SIL1: variants seen among roughly 807,000 people sequenced by gnomAD.
SIL1 encodes the protein nucleotide exchange factor SIL1.
Under a neutral mutation model 49.1 loss-of-function variants are expected in SIL1, and 40 were observed. That is an observed-to-expected ratio of 0.81 (90% CI 0.63 to 1.06). SIL1 has a LOEUF of 1.06. Ranked by LOEUF, SIL1 falls within the 50% of genes least tolerant of loss-of-function variation. The pLI, the probability that SIL1 is intolerant of heterozygous loss-of-function variation, is 0.00. For synonymous variants in SIL1, 253 were observed against 250.8 expected (o/e 1.01, Z -0.08); for missense variants, 500 against 572.6 (o/e 0.87, Z 1.29).
At chr5:139,048,797 C>T (rs1004627730) in intron 4 of SIL1, among the ~76,000 whole-genome samples, 19 of 152,140 alleles carry the variant, frequency 1.2e-4, no homozygotes, top group African/African-American at 2.7e-4. Flanking sequence ...GTATTGTGGA[C>T]GAAAGAAGTT....
intron 5 of SIL1, chr5:139,035,238 G>A: frequency 2.2e-6 from 1 of 459,398 alleles, no homozygotes; most frequent in Admixed American, 2.4e-5. Flanking sequence ...CACAAACTGA[G>A]CAGTCCCCAG....
At chr5:139,056,504 G>T (rs1769429557) in intron 3 of SIL1, among the ~76,000 whole-genome samples, 1 of 150,482 alleles carries the variant, frequency 6.6e-6, no homozygotes, top group African/African-American at 2.4e-5. Flanking sequence ...GGAGGTGGGG[G>T]TCAGCCCCCC....
intron 3 of SIL1, among the ~76,000 whole-genome samples, chr5:139,115,339 C>T (rs1033336123): frequency 1.3e-5 from 2 of 152,118 alleles, no homozygotes; most frequent in African/African-American, 4.8e-5. Context: ...CTTTGTTATT[C>T]CTACCAAACC....
intron 3 of SIL1, among the ~76,000 whole-genome samples, chr5:139,078,530 G>A (rs1205484677): frequency 1.3e-5 from 2 of 152,142 alleles, no homozygotes; most frequent in African/African-American, 4.8e-5. Flanking sequence ...TCCTGCTGGG[G>A]AGACGCAGAA....
At chr5:139,133,277 C>T (rs1750903198) in intron 1 of SIL1, 1 of 152,212 alleles carries the variant, frequency 6.6e-6, no homozygotes, top group African/African-American at 2.4e-5. Context: ...ATTTTTCTAT[C>T]AAAAGTGTCC....
chr5:139,130,530 G>A (rs186916788), intron 1 of SIL1, among the ~76,000 whole-genome samples: 1 of 152,268 alleles, frequency 6.6e-6, no homozygotes, highest in East Asian at 1.9e-4. Context: ...CATTGCTGGT[G>A]TAGATATAAA....
chr5:138,978,514 T>G (rs1767441525), intron 7 of SIL1, among the ~76,000 whole-genome samples: 1 of 152,254 alleles, frequency 6.6e-6, no homozygotes, highest in South Asian at 2.1e-4. Context: ...TGTACAAGTT[T>G]TTGTGTGGAA....
At chr5:139,197,504 A>G (rs915644147) in intron 1 of SIL1, among the ~76,000 whole-genome samples, 5 of 152,156 alleles carry the variant, frequency 3.3e-5, no homozygotes, top group African/African-American at 1.2e-4. Context: ...AGGTAGTCAA[A>G]TATTTTTAAA....
Position 139,073,915 on chromosome 5 carries a change from A to G in SIL1, c.245-22869T>C, listed in dbSNP as rs1465815271. On this transcript the variant is annotated intron_variant, in intron 3 of 9. Coordinates refer to ENST00000394817, the MANE Select transcript of SIL1 (RefSeq NM_022464.5). ...AACTCCATCTCAAAAAAAAAAATAC[A>G]TAAATAATAATAATACATTGTATTC... Among the ~76,000 whole-genome samples, 6 of 152,212 alleles carry G rather than the reference A, an allele frequency of 3.9e-5. No homozygotes were observed. In the South Asian group the frequency reaches 1.0e-3, roughly 26 times the overall value.
At chr5:139,055,632 C>A (rs1581063550) in intron 3 of SIL1, among the ~76,000 whole-genome samples, 1 of 113,004 alleles carries the variant, frequency 8.8e-6, no homozygotes, top group Non-Finnish European at 1.8e-5. Flanking sequence ...CTCTCCCCCT[C>A]TCCCCCTCTC....
chr5:138,992,542 C>T (rs904562651), intron 7 of SIL1, among the ~76,000 whole-genome samples: 2 of 152,186 alleles, frequency 1.3e-5, no homozygotes, highest in Non-Finnish European at 2.9e-5. Flanking sequence ...CATACCTGGT[C>T]CAGGTGAGTC....
intron 1 of SIL1, among the ~76,000 whole-genome samples, chr5:139,151,334 C>G (rs753390491): frequency 3.9e-5 from 6 of 152,084 alleles, no homozygotes; most frequent in Non-Finnish European, 8.8e-5. Flanking sequence ...TGTACTAGTG[C>G]AAGGTGCTGG....
At chr5:138,971,617 A>G (rs12055237) in intron 7 of SIL1, among the ~76,000 whole-genome samples, 49,995 of 152,042 alleles carry the variant, frequency 0.33, 8,336 homozygotes, top group Middle Eastern at 0.39. Context: ...GGGGGTCAAG[A>G]GCGGGGATGA....
At chr5:139,122,514 G>A (rs1431319524) in intron 2 of SIL1, among the ~76,000 whole-genome samples, 2 of 151,904 alleles carry the variant, frequency 1.3e-5, no homozygotes, top group African/African-American at 4.8e-5. Flanking sequence ...AGGATCGTTA[G>A]AGCCCAGGAG....
chr5:138,947,261 C>T lies in SIL1; in HGVS notation c.1242G>A (p.Gln414=). ...LLTTCRDRYR[Q]DPQLGRTLAS... ...CCAGTGTCCTGCCGAGCTGGGGGTC[C>T]TGACGGTAGCGGTCCCGGCAGGTGG... The change falls in exon 10 of 10, where the codon CAG becomes CAA. Residue 414 remains glutamine, a synonymous_variant. Coordinates refer to ENST00000394817, the MANE Select transcript of SIL1 (RefSeq NM_022464.5). The surrounding 1 kb of genome is among the most constrained non-coding windows in gnomAD (Gnocchi z 4.1). 1 of 1,613,608 alleles carries T rather than the reference C, an allele frequency of 6.2e-7. No individual in the cohort carries two copies. Among genetic ancestry groups the T allele is most frequent in the South Asian group, 1.1e-5 (1 of 91,076 alleles).
At chr5:139,154,687 T>C (rs553597536) in intron 1 of SIL1, among the ~76,000 whole-genome samples, 2 of 152,298 alleles carry the variant, frequency 1.3e-5, no homozygotes, top group African/African-American at 4.8e-5. Context: ...CTCTTATTCA[T>C]CTAAGCCTAG....
chr5:139,102,563 C>G (rs1182135116), intron 3 of SIL1, among the ~76,000 whole-genome samples: 1 of 151,782 alleles, frequency 6.6e-6, no homozygotes, highest in Non-Finnish European at 1.5e-5. Flanking sequence ...ATTCTCAACT[C>G]TCTAGGCATC....
At chr5:139,120,859 G>C (rs1222294101) in intron 3 of SIL1, among the ~76,000 whole-genome samples, 176 bp downstream of exon 3, 1 of 152,182 alleles carries the variant, frequency 6.6e-6, no homozygotes, top group African/African-American at 2.4e-5. Context: ...TCTCTGTTCT[G>C]CTGGAAAACG....
chr5:138,968,477 C>T (rs1767200245), intron 7 of SIL1, among the ~76,000 whole-genome samples: 1 of 152,130 alleles, frequency 6.6e-6, no homozygotes, highest in South Asian at 2.1e-4. Flanking sequence ...GAGCGCCCTG[C>T]CCCTGCCCGT....
Sources: gnomAD v4.1 joint callset for allele counts (sites outside exome capture counted in the v4.1 genomes callset) on GRCh38, gnomAD v4.1.1 for gene constraint, Gnocchi (gnomAD v3.1) non-coding constraint, MANE v1.5 for transcripts, NCBI Gene and HGNC (gene_info 2026-07-23, HGNC 2026-07-21) for gene names.